MALRD1: variants seen among roughly 807,000 people sequenced by gnomAD.
The protein encoded by MALRD1 is MAM and LDL-receptor class A domain-containing protein 1.
Under a neutral mutation model 242.1 loss-of-function variants are expected in MALRD1, and 247 were observed. The ratio of observed to expected loss-of-function variants is 1.02; its 90% CI spans 0.92 to 1.13. MALRD1 has a LOEUF of 1.13. MALRD1 is among the 50% of genes most tolerant of loss of function. MALRD1 has a pLI of 0.00. For missense variants in MALRD1, 2,989 were observed against 2,533.1 expected (o/e 1.18, Z -3.86); for synonymous variants, 995 against 866.6 (o/e 1.15, Z -2.60).
intron 36 of MALRD1, among the ~76,000 whole-genome samples, chr10:19,686,516 A>G (rs1163652679): frequency 2.6e-5 from 4 of 152,164 alleles, no homozygotes; most frequent in African/African-American, 7.2e-5. Flanking sequence ...TCAACTCCTG[A>G]GATCTTATTA....
chr10:19,131,070 A>G (rs1833083988), intron 8 of MALRD1, among the ~76,000 whole-genome samples: 1 of 152,090 alleles, frequency 6.6e-6, no homozygotes, highest in Admixed American at 6.6e-5. Flanking sequence ...TTCTGACACT[A>G]TTTGCTATCC....
intron 36 of MALRD1, among the ~76,000 whole-genome samples, chr10:19,640,483 A>G (rs984894806): frequency 2.8e-5 from 4 of 141,852 alleles, no homozygotes; most frequent in African/African-American, 1.0e-4. Flanking sequence ...ACAGGAGAAG[A>G]AAGTATGTTT....
chr10:19,449,500 A>G (rs1457054427), intron 28 of MALRD1, among the ~76,000 whole-genome samples: 1 of 152,136 alleles, frequency 6.6e-6, no homozygotes, highest in East Asian at 1.9e-4. Context: ...TATTTTGGGA[A>G]ATATTTTAGT....
At position 19,048,906 on chromosome 10, in the gene MALRD1, A is replaced by C. The variant is rs1245180570; in HGVS notation, c.-33A>C. On this transcript the variant is annotated 5_prime_UTR_variant, in exon 1 of 40. Coordinates refer to ENST00000454679, the MANE Select transcript of MALRD1 (RefSeq NM_001142308.3). ...TTCCAATGATGGACTTACTTATTAC[A>C]ACTGCTTGATCTCTAATAGACAATA... 4 of 1,222,430 alleles carry C rather than the reference A, an allele frequency of 3.3e-6. No homozygotes were observed. Among genetic ancestry groups the C allele is most frequent in the East Asian group, 3.2e-5 (1 of 31,652 alleles). The allele number at this position is 1,222,430 out of a possible 1,614,324, so 75.7% of individuals were successfully genotyped here.
intron 29 of MALRD1, among the ~76,000 whole-genome samples, chr10:19,470,840 A>G (rs548570159): frequency 1.1e-4 from 16 of 151,886 alleles, no homozygotes; most frequent in African/African-American, 3.4e-4. Flanking sequence ...CTTATCAGAT[A>G]TATGATTCAC....
intron 26 of MALRD1, among the ~76,000 whole-genome samples, chr10:19,363,310 C>A (rs1035113097): frequency 6.6e-6 from 1 of 151,844 alleles, no homozygotes; most frequent in Admixed American, 6.6e-5. Flanking sequence ...ATTATGAGGT[C>A]AAGAGATAAA....
chr10:19,282,886 T>A (rs1336284021), intron 20 of MALRD1, 133 bp from the exon 21 acceptor site: 1 of 599,764 alleles, frequency 1.7e-6, no homozygotes, highest in Admixed American at 4.2e-5. Context: ...ACAAACCATT[T>A]GCCTAATTAT....
chr10:19,623,919 T>A (rs1280035501), intron 36 of MALRD1, among the ~76,000 whole-genome samples: 1 of 151,978 alleles, frequency 6.6e-6, no homozygotes, highest in African/African-American at 2.4e-5. Context: ...AAATTAACCA[T>A]CACAATGCAT....
At chr10:19,052,839 G>T (rs1834550142) in intron 1 of MALRD1, among the ~76,000 whole-genome samples, 1 of 152,152 alleles carries the variant, frequency 6.6e-6, no homozygotes, top group Non-Finnish European at 1.5e-5. Flanking sequence ...CTTTGGTAAG[G>T]AATTCAGGGC....
At position 19,491,555 on chromosome 10, in the gene MALRD1, T is replaced by C; in HGVS notation, c.5068T>C (p.Phe1690Leu). Residue 1690 changes from phenylalanine to leucine, a missense_variant, in exon 30 of 40, where the codon TTT becomes CTT. Phe to Leu is a conservative substitution (Grantham distance 22, BLOSUM62 0). Coordinates refer to ENST00000454679, the MANE Select transcript of MALRD1 (RefSeq NM_001142308.3). ...ISELCPEITD[F>L]LCRDKKCIAS... The stretch of plus-strand genomic sequence containing the variant: ...TGAGCTTTGTCCGGAAATCACTGAT[T>C]TTTTGTGCCGGGACAAGAAGTGCAT... 1 of 1,550,268 alleles carries C rather than the reference T, an allele frequency of 6.5e-7. No homozygotes were observed. The highest frequency in any genetic ancestry group is 1.4e-5 in the African/African-American group (1 of 73,174).
At chr10:19,141,897 G>C (rs918632973) in intron 10 of MALRD1, among the ~76,000 whole-genome samples, 2 of 152,006 alleles carry the variant, frequency 1.3e-5, no homozygotes, top group Non-Finnish European at 2.9e-5. Context: ...GTTGGGCCGG[G>C]TGCGGTGGCT....
chr10:19,685,672 C>T (rs1438393438), intron 36 of MALRD1, among the ~76,000 whole-genome samples: 2 of 152,152 alleles, frequency 1.3e-5, no homozygotes, highest in Non-Finnish European at 2.9e-5. Flanking sequence ...CTCTGTCTTC[C>T]TATCAATTGA....
intron 14 of MALRD1, among the ~76,000 whole-genome samples, chr10:19,191,922 T>C (rs1014318181): frequency 5.9e-5 from 9 of 151,980 alleles, no homozygotes; most frequent in African/African-American, 2.2e-4. Flanking sequence ...TGCTTGAACC[T>C]GGGAAGCGGA....
At chr10:19,314,341 C>T (rs1842547541) in intron 21 of MALRD1, among the ~76,000 whole-genome samples, 1 of 151,390 alleles carries the variant, frequency 6.6e-6, no homozygotes, top group Non-Finnish European at 1.5e-5. Context: ...TCTAAAAAGG[C>T]TTGAAAATGA....
chr10:19,661,347 GCA>G (rs1283734434), intron 36 of MALRD1, among the ~76,000 whole-genome samples: 1 of 152,164 alleles, frequency 6.6e-6, no homozygotes, highest in East Asian at 1.9e-4. Context: ...TATGTTTATT[GCA>G]GCACTATTCA....
At chr10:19,175,032 C>G (rs1835172434) in intron 13 of MALRD1, among the ~76,000 whole-genome samples, 176 bp from the exon 14 acceptor site, 1 of 151,970 alleles carries the variant, frequency 6.6e-6, no homozygotes, top group Non-Finnish European at 1.5e-5. Flanking sequence ...AAGATGCTGT[C>G]AAAGCAGTTA....
intron 28 of MALRD1, among the ~76,000 whole-genome samples, chr10:19,448,976 GT>G (rs1835158146): frequency 6.6e-6 from 1 of 151,966 alleles, no homozygotes; most frequent in Non-Finnish European, 1.5e-5. Context: ...TCCTCTGTCA[GT>G]GATTTAAGCT....
At chr10:19,209,717 G>T in intron 18 of MALRD1, 37 bp downstream of exon 18, 1 of 1,465,630 alleles carries the variant, frequency 6.8e-7, no homozygotes, top group Non-Finnish European at 9.1e-7. Context: ...CATTTGAAAT[G>T]CATCTGAATG....
intron 28 of MALRD1, among the ~76,000 whole-genome samples, chr10:19,447,069 GACAC>G (rs374350237): frequency 0.014 from 1,913 of 141,694 alleles, 19 homozygotes; most frequent in East Asian, 0.024. Flanking sequence ...CACATACACA[GACAC>G]ACACACACAC....
Sources: allele counts gnomAD v4.1 joint callset (sites outside exome capture counted in the v4.1 genomes callset), GRCh38; gene constraint gnomAD v4.1.1; transcripts MANE v1.5; gene names NCBI Gene and HGNC (gene_info 2026-07-23, HGNC 2026-07-21).